Variants in ANLN observed in about 807,000 individuals in gnomAD.
ANLN encodes the protein anillin, actin binding protein.
Under a neutral mutation model 135.1 loss-of-function variants are expected in ANLN, and 59 were observed. The observed-to-expected ratio is 0.44, with a 90% CI of 0.35 to 0.54. The LOEUF is 0.54. Ranked by LOEUF, ANLN falls within the 20% of genes least tolerant of loss-of-function variation. The probability of loss-of-function intolerance (pLI) is 0.00; values close to 1 mark genes in which losing one functional copy is unlikely to be tolerated. For synonymous variants in ANLN, 406 were observed against 456.4 expected (o/e 0.89, Z 1.41); for missense variants, 1,182 against 1,340.0 (o/e 0.88, Z 1.84).
intron 20 of ANLN, among the ~76,000 whole-genome samples, chr7:36,432,469 T>C (rs1788371399): frequency 6.6e-6 from 1 of 152,200 alleles, no homozygotes; most frequent in African/African-American, 2.4e-5. Flanking sequence ...TATAGGTGTG[T>C]CTTTCTTATA....
chr7:36,400,584 G>A lies in ANLN; in HGVS notation c.487+1191G>A, dbSNP rs140000241. On this transcript the variant is annotated intron_variant, in intron 3 of 23. Transcript: ENST00000265748. Reference sequence around the variant, plus strand: ...GCACCATGTTGGCCAGGCTGGTCTCGAACTCCTGACCTCAAGTGATCACCC... The same window carrying A: ...GCACCATGTTGGCCAGGCTGGTCTCAAACTCCTGACCTCAAGTGATCACCC... 2.4e-3 allele frequency among the ~76,000 whole-genome samples: 371 copies of A among 152,062 alleles called. 2 individuals are homozygous for A. The highest frequency in any genetic ancestry group is 8.4e-3 in the African/African-American group (350 of 41,446).
chr7:36,439,422 A>G, intron 21 of ANLN, 132 bp downstream of exon 21: 1 of 594,720 alleles, frequency 1.7e-6, no homozygotes, highest in Non-Finnish European at 2.9e-6. Context: ...TATGTCCTTT[A>G]TATGCCAATC....
At position 36,449,764 on chromosome 7, in the gene ANLN, A is replaced by G; in HGVS notation, c.3178A>G (p.Thr1060Ala). ...CARRNTFELI[T>A]VRPQREDDRE... ...AAGACGCAACACTTTTGAATTAATT[A>G]CTGTCCGACCACAAAGAGAAGATGA... The change falls in exon 23 of 24, where the codon ACT becomes GCT. Residue 1060 changes from threonine (T) to alanine (A), a missense_variant. Thr to Ala is a moderately conservative substitution (Grantham distance 58). Coordinates refer to ENST00000265748, the MANE Select transcript of ANLN (RefSeq NM_018685.5). The G allele has an allele frequency of 3.1e-6, 5 of 1,614,170 alleles. No homozygotes were observed. The highest frequency in any genetic ancestry group is 4.2e-6 in the Non-Finnish European group (5 of 1,180,004).
intron 5 of ANLN, among the ~76,000 whole-genome samples, chr7:36,409,190 G>C (rs1396412084): frequency 1.3e-5 from 2 of 152,144 alleles, no homozygotes; most frequent in Non-Finnish European, 2.9e-5. Context: ...AATTGTTCTT[G>C]GCTACTGGAT....
intron 7 of ANLN, among the ~76,000 whole-genome samples, chr7:36,414,824 G>C (rs1019723320): frequency 6.6e-6 from 1 of 152,196 alleles, no homozygotes; most frequent in African/African-American, 2.4e-5. Flanking sequence ...TGGAACAAGA[G>C]TACCTGGGTT....
intron 18 of ANLN, 42 bp from the exon 19 acceptor site, chr7:36,425,973 A>G: frequency 6.9e-7 from 1 of 1,443,152 alleles, no homozygotes; most frequent in Non-Finnish European, 9.4e-7. Flanking sequence ...AATAAGGGAA[A>G]TAACTTATGT....
chr7:36,409,466 C>A (rs1787321922), intron 5 of ANLN, among the ~76,000 whole-genome samples: 1 of 152,012 alleles, frequency 6.6e-6, no homozygotes, highest in Non-Finnish European at 1.5e-5. Context: ...TGACAGAGGC[C>A]ATATGGCCCA....
chr7:36,390,095 C>T, intron 1 of ANLN, 51 bp downstream of exon 1: 1 of 1,611,980 alleles, frequency 6.2e-7, no homozygotes, highest in African/African-American at 1.3e-5. Flanking sequence ...TCTAGGCCCC[C>T]ACCCACCTTC....
chr7:36,400,859 T>C (rs1786916305), intron 3 of ANLN, among the ~76,000 whole-genome samples: 1 of 152,176 alleles, frequency 6.6e-6, no homozygotes, highest in South Asian at 2.1e-4. Flanking sequence ...GCTTTTGTCT[T>C]ATTTTTTTTA....
chr7:36,391,961 C>T (rs11982459), intron 1 of ANLN, among the ~76,000 whole-genome samples: 62,424 of 150,486 alleles, frequency 0.41, 13,456 homozygotes, highest in African/African-American at 0.51. Flanking sequence ...TTTTTTAAGA[C>T]GGAGTCTCGC....
chr7:36,405,598 T>C (rs1218381410), intron 3 of ANLN, among the ~76,000 whole-genome samples: 1 of 152,224 alleles, frequency 6.6e-6, no homozygotes, highest in East Asian at 1.9e-4. Flanking sequence ...TTGGGATTTC[T>C]CTCCAAATGA....
At chr7:36,416,996 A>G in intron 8 of ANLN, 84 bp from the exon 9 acceptor site, 1 of 741,678 alleles carries the variant, frequency 1.3e-6, no homozygotes, top group Non-Finnish European at 2.1e-6. Flanking sequence ...TATAATCAGA[A>G]AAAAAAAACA....
intron 17 of ANLN, among the ~76,000 whole-genome samples, chr7:36,425,431 A>C (rs1196361782): frequency 6.6e-6 from 1 of 151,480 alleles, no homozygotes; most frequent in African/African-American, 2.4e-5. Context: ...TGAAGCTGGG[A>C]CTACAGGTGT....
chr7:36,390,136 G>A, intron 1 of ANLN, 92 bp downstream of exon 1: 1 of 1,597,318 alleles, frequency 6.3e-7, no homozygotes, highest in East Asian at 2.2e-5. Context: ...ACCCCCACCG[G>A]GCGGAGGGCG....
At chr7:36,439,990 A>G (rs775979172) in intron 21 of ANLN, among the ~76,000 whole-genome samples, 2 of 152,230 alleles carry the variant, frequency 1.3e-5, no homozygotes, top group East Asian at 1.9e-4. Context: ...ATTCTGACCA[A>G]TGTGGAAAGC....
chr7:36,399,757 G>A (rs1239017493), intron 3 of ANLN, among the ~76,000 whole-genome samples: 1 of 152,072 alleles, frequency 6.6e-6, no homozygotes, highest in Non-Finnish European at 1.5e-5. Flanking sequence ...TAAACTTGAG[G>A]GACTAAGGTA....
At chr7:36,399,834 A>ATTATTACACACAGTGCTAGAAATGAATG (rs1178601792) in intron 3 of ANLN, among the ~76,000 whole-genome samples, 4 of 152,214 alleles carry the variant, frequency 2.6e-5, no homozygotes, top group Non-Finnish European at 5.9e-5. Flanking sequence ...TGCAAAGTAT[A>ATTATTACACACAGTGCTAGAAATGAATG]TTATTACACA....
chr7:36,410,627 A>G lies in ANLN; in HGVS notation c.1210A>G (p.Thr404Ala). ...PHRTPIITPNTKAIQERLFKQ... is the reference protein window; with the variant it reads ...PHRTPIITPNAKAIQERLFKQ... ...CAGAACCCCCATTATTACTCCAAAT[A>G]CAAAGGCCATCCAAGAAAGATTATT... The change falls in exon 6 of 24, where the codon ACA becomes GCA. Residue 404 changes from threonine to alanine, a missense_variant. Physicochemically the swap from Thr to Ala is moderately conservative, Grantham distance 58. This residue lies in a region of ANLN where 1,022 missense variants were observed against 1,134.0 expected (regional missense o/e 0.90). Transcript: ENST00000265748. 2 of 1,614,180 alleles carry G rather than the reference A, an allele frequency of 1.2e-6. No homozygotes were observed. Among genetic ancestry groups the G allele is most frequent in the Middle Eastern group, 1.6e-4 (1 of 6,062 alleles).
chr7:36,399,929 G>A (rs955577824), intron 3 of ANLN, among the ~76,000 whole-genome samples: 3 of 151,672 alleles, frequency 2.0e-5, no homozygotes, highest in Non-Finnish European at 4.4e-5. Context: ...TAAAGCAACA[G>A]TTATGCAACA....
Sources: gnomAD v4.1 joint callset for allele counts (sites outside exome capture counted in the v4.1 genomes callset) on GRCh38, gnomAD v4.1.1 for gene constraint, gnomAD v4.1.1 regional missense constraint, MANE v1.5 for transcripts, NCBI Gene and HGNC (gene_info 2026-07-23, HGNC 2026-07-21) for gene names.